DHX57: variants seen among roughly 807,000 people sequenced by gnomAD.
The protein encoded by DHX57 is putative ATP-dependent RNA helicase DHX57.
In DHX57, 105 loss-of-function variants were observed where a neutral mutation model predicts 156.2. The ratio of observed to expected loss-of-function variants is 0.67; its 90% confidence interval spans 0.57 to 0.79. DHX57 has a LOEUF of 0.79. Among genes scored for constraint, DHX57 ranks in the 30% least tolerant of loss-of-function variants. The pLI, the probability that DHX57 is intolerant of heterozygous loss-of-function variation, is 0.00. For synonymous variants in DHX57, 704 were observed against 595.6 expected, an observed-to-expected ratio of 1.18 and a Z score of -2.65; for missense variants, 1,847 against 1,661.9, an observed-to-expected ratio of 1.11 and a Z score of -1.94.
chr2:38,861,171 G>A lies in DHX57; in HGVS notation c.1239C>T (p.Thr413=). The change falls in exon 5 of 24, where the codon ACC becomes ACT. Residue 413 remains threonine (T), a synonymous_variant. Coordinates refer to ENST00000457308, the MANE Select transcript of DHX57 (RefSeq NM_198963.3). ...TSEPVVYSLI[T]LLEEESEIVK... ...CTATTTCCGACTCTTCCTCTAAAAG[G>A]GTTATCAAAGAATATACGACAGGTT... 1 of 1,614,106 alleles carries A rather than the reference G, an allele frequency of 6.2e-7. No homozygotes were observed. Among genetic ancestry groups the A allele is most frequent in the Non-Finnish European group, 8.5e-7 (1 of 1,180,022 alleles).
At chr2:38,846,794 G>T (rs928278911) in intron 11 of DHX57, among the ~76,000 whole-genome samples, 3 of 151,678 alleles carry the variant, frequency 2.0e-5, no homozygotes, top group African/African-American at 7.3e-5. Flanking sequence ...ACTAACACAT[G>T]TATTAGTATT....
At chr2:38,799,742 C>G (rs1467008212) in intron 23 of DHX57, among the ~76,000 whole-genome samples, 1 of 99,056 alleles carries the variant, frequency 1.0e-5, no homozygotes, top group Non-Finnish European at 2.0e-5. Flanking sequence ...AAGAGCAAAA[C>G]TCCATCTCAA....
intron 3 of DHX57, chr2:38,862,690 C>G (rs1572707807): frequency 1.2e-5 from 2 of 164,030 alleles, no homozygotes; most frequent in African/African-American, 4.8e-5. Context: ...GAGATTTTGC[C>G]AAAGGCAGAC....
rs1279666458 is a variant in DHX57, at chr2:38,802,769, C to G, written c.3963G>C (p.Glu1321Asp). The change falls in exon 23 of 24, where the codon GAG (glutamate) becomes GAC (aspartate). Residue 1321 changes from glutamate (E) to aspartate (D), a missense_variant. Glu to Asp is a conservative substitution (Grantham distance 45). Transcript: ENST00000457308. ...AACCATCATCCAGGGAGACAACGAA[C>G]TCTCCTCTTTGAAGCTGCACATTCA... ...GQVNVQLQRG[E>D]FVVSLDDGWI... 3 of 1,614,076 alleles carry G rather than the reference C, an allele frequency of 1.9e-6. No individual in the cohort carries two copies. The highest frequency in any genetic ancestry group is 1.3e-5 in the African/African-American group (1 of 74,924).
chr2:38,818,334 G>A (rs945222952), intron 19 of DHX57, among the ~76,000 whole-genome samples: 3 of 152,198 alleles, frequency 2.0e-5, no homozygotes, highest in Admixed American at 6.5e-5. Context: ...AGAGCAGCCT[G>A]GCCAGCATGG....
chr2:38,874,954 C>T (rs1268884431), intron 1 of DHX57, among the ~76,000 whole-genome samples: 1 of 152,142 alleles, frequency 6.6e-6, no homozygotes, highest in Non-Finnish European at 1.5e-5. Context: ...AGAACTTCAT[C>T]TCAAAAACCA....
At position 38,875,925 on chromosome 2, in the gene DHX57, G is replaced by A. The variant is rs1305471114; in HGVS notation, c.-145C>T. 2.5e-6 allele frequency: 1 copy of A among 397,016 alleles called. No homozygotes were observed. Among genetic ancestry groups the A allele is most frequent in the Admixed American group, 4.4e-5 (1 of 22,708 alleles). The allele number at this position is 397,016 out of a possible 1,614,324, so 24.6% of individuals were successfully genotyped here. A position where few individuals can be genotyped will look rare whatever the true frequency, so the allele number is the denominator to read the frequency against. On this transcript the variant is annotated 5_prime_UTR_variant, in exon 1 of 24. Transcript: ENST00000457308. ...GGCCCAGCTGCAGCGGCACAGTCCCGGCGCCTTCTGATTGGCTCAGCTACA... is the reference window on the plus strand; with the variant it reads ...GGCCCAGCTGCAGCGGCACAGTCCCAGCGCCTTCTGATTGGCTCAGCTACA...
At chr2:38,822,567 G>A (rs375568572) in intron 17 of DHX57, among the ~76,000 whole-genome samples, 1 of 151,828 alleles carries the variant, frequency 6.6e-6, no homozygotes, top group African/African-American at 2.4e-5. Flanking sequence ...CTAATTTTTT[G>A]TATTTTTAAT....
At chr2:38,836,798 G>C (rs1209492671) in intron 13 of DHX57, among the ~76,000 whole-genome samples, 2 of 136,308 alleles carry the variant, frequency 1.5e-5, no homozygotes, top group South Asian at 4.7e-4. Context: ...AAAAAAAAAA[G>C]AAACAAAAGA....
In DHX57 at chr2:38,798,281, A is replaced by ACT. The variant is rs755900896; in HGVS notation, c.*16_*17dup. On this transcript the variant is annotated 3_prime_UTR_variant, in exon 24 of 24. Transcript: ENST00000457308. ...AGCTAGAAGCAGGTGAGTAGCAAGCACTCTCTAAGACTGCTTTTTATTGTG... is the reference window on the plus strand; with the variant it reads ...AGCTAGAAGCAGGTGAGTAGCAAGCACTCTCTCTAAGACTGCTTTTTATTGTG... 1.9e-6 allele frequency: 3 copies of ACT among 1,600,366 alleles called. No homozygotes were observed. In the South Asian group the frequency reaches 3.4e-5, roughly 18 times the overall value.
chr2:38,843,038 A>C lies in DHX57; in HGVS notation c.2392T>G (p.Leu798Val). ...SVKDAVPDQQ[L>V]DFKQLLARYK... The stretch of plus-strand genomic sequence containing the variant: ...CGGGCCAGGAGCTGCTTAAAATCTA[A>C]CTGTTGATCTGGCACTGCATCTTTG... Residue 798 changes from leucine (L) to valine (V), a missense_variant, in exon 12 of 24, where the codon TTA (leucine) becomes GTA (valine). By Grantham distance (32) the Leu-to-Val change is conservative (BLOSUM62 1). Coordinates refer to ENST00000457308, the MANE Select transcript of DHX57 (RefSeq NM_198963.3). 6.2e-7 allele frequency: 1 copy of C among 1,614,178 alleles called. No individual in the cohort carries two copies. Among genetic ancestry groups the C allele is most frequent in the East Asian group, 2.2e-5 (1 of 44,892 alleles).
intron 17 of DHX57, among the ~76,000 whole-genome samples, chr2:38,820,327 T>TC (rs1356052195): frequency 2.2e-4 from 32 of 145,456 alleles, no homozygotes; most frequent in Non-Finnish European, 3.2e-4. Flanking sequence ...TCTCTCTCTC[T>TC]TTTTTTTTTT....
intron 9 of DHX57, among the ~76,000 whole-genome samples, chr2:38,850,039 T>C (rs191861759): frequency 1.3e-5 from 2 of 152,338 alleles, no homozygotes; most frequent in East Asian, 3.9e-4. Context: ...AGAATTTTAT[T>C]CACTACTGCA....
In DHX57 at chr2:38,845,631, C is replaced by T. The variant is rs559944880; in HGVS notation, c.2219+1388G>A. Among the ~76,000 whole-genome samples, 4 of 152,002 alleles carry T rather than the reference C, an allele frequency of 2.6e-5. No homozygotes were observed. In the East Asian group the frequency reaches 7.7e-4, roughly 29 times the overall value. On this transcript the variant is annotated intron_variant, in intron 11 of 23. Transcript: ENST00000457308. ...CTGAAATCACATGAGTCTAAGGTAG[C>T]CAAGGGAGAGTTAATAGTGAGAAGA...
At chr2:38,830,007 A>G (rs1025193144) in intron 13 of DHX57, among the ~76,000 whole-genome samples, 4 of 152,140 alleles carry the variant, frequency 2.6e-5, no homozygotes, top group African/African-American at 9.7e-5. Context: ...AGCAATAGTC[A>G]CCTTCTTTTG....
chr2:38,810,047 C>G (rs1670160825), intron 21 of DHX57, among the ~76,000 whole-genome samples: 1 of 151,968 alleles, frequency 6.6e-6, no homozygotes, highest in African/African-American at 2.4e-5. Flanking sequence ...GCACACACCA[C>G]CACGCCCAGC....
At chr2:38,819,987 T>A (rs368276942) in intron 17 of DHX57, among the ~76,000 whole-genome samples, 54 of 152,314 alleles carry the variant, frequency 3.5e-4, no homozygotes, top group African/African-American at 1.2e-3. Flanking sequence ...AATCCAATAA[T>A]AATATTTCTC....
chr2:38,841,005 T>A (rs993756983), intron 12 of DHX57, among the ~76,000 whole-genome samples: 1 of 152,108 alleles, frequency 6.6e-6, no homozygotes, highest in African/African-American at 2.4e-5. Context: ...ACATTTGTAG[T>A]AGAGACAAGG....
intron 14 of DHX57, among the ~76,000 whole-genome samples, chr2:38,827,503 A>T (rs1429810507): frequency 5.8e-3 from 107 of 18,484 alleles, no homozygotes; most frequent in African/African-American, 8.4e-3. Context: ...AAAAAAAAAA[A>T]AAATATATAT....
Sources: gnomAD v4.1 joint callset for allele counts (sites outside exome capture counted in the v4.1 genomes callset) on GRCh38, gnomAD v4.1.1 for gene constraint, MANE v1.5 for transcripts, NCBI Gene and HGNC (gene_info 2026-07-23, HGNC 2026-07-21) for gene names.